Variants in TUT7 observed in about 807,000 individuals in gnomAD.
TUT7 encodes the protein terminal uridylyl transferase 7, also known as terminal uridylyltransferase 7.
Under a neutral mutation model 165.9 loss-of-function variants are expected in TUT7, and 33 were observed. The observed-to-expected ratio is 0.20, with a 90% CI of 0.15 to 0.27. TUT7 has a LOEUF of 0.27. Among genes scored for constraint, TUT7 ranks in the 10% least tolerant of loss-of-function variants. TUT7 has a pLI of 1.00. For missense variants in TUT7, 1,338 were observed against 1,762.3 expected (o/e 0.76, Z 4.31); for synonymous variants, 552 against 608.1 (o/e 0.91, Z 1.36).
At chr9:86,314,954 T>C (rs1828561883) in intron 17 of TUT7, among the ~76,000 whole-genome samples, 3 of 152,206 alleles carry the variant, frequency 2.0e-5, no homozygotes, top group African/African-American at 7.2e-5. Context: ...TCTGAGATCA[T>C]AGCAACCTCC....
At chr9:86,308,631 T>C in intron 21 of TUT7, 25 bp from the exon 22 acceptor site, 2 of 1,569,804 alleles carry the variant, frequency 1.3e-6, no homozygotes, top group Non-Finnish European at 1.7e-6. Flanking sequence ...GAACAAGGGA[T>C]ACCATGGTCT....
At chr9:86,292,031 A>G (rs1825939392) in intron 26 of TUT7, among the ~76,000 whole-genome samples, 1 of 152,212 alleles carries the variant, frequency 6.6e-6, no homozygotes, top group African/African-American at 2.4e-5. Context: ...ACAGCACCAT[A>G]TAAAAGTTTT....
At chr9:86,315,504 G>A (rs1828621642) in intron 17 of TUT7, among the ~76,000 whole-genome samples, 1 of 152,158 alleles carries the variant, frequency 6.6e-6, no homozygotes, top group South Asian at 2.1e-4. Context: ...GTTATATGTG[G>A]AACTCTTTAT....
chr9:86,339,241 T>C (rs1216566776), intron 8 of TUT7, among the ~76,000 whole-genome samples: 1 of 152,178 alleles, frequency 6.6e-6, no homozygotes, highest in Admixed American at 6.5e-5. Flanking sequence ...TATCAAATGT[T>C]TCGGGCCAGG....
intron 22 of TUT7, among the ~76,000 whole-genome samples, chr9:86,307,501 A>G (rs1827621155): frequency 6.6e-6 from 1 of 152,252 alleles, no homozygotes; most frequent in Non-Finnish European, 1.5e-5. Context: ...TTAGAATAGT[A>G]CGTATTATTT....
intron 18 of TUT7, among the ~76,000 whole-genome samples, chr9:86,310,461 A>G (rs893122582): frequency 2.0e-5 from 3 of 152,190 alleles, no homozygotes; most frequent in African/African-American, 7.2e-5. Context: ...TTCAGTAGAT[A>G]TAAGATCTCT....
intron 11 of TUT7, chr9:86,326,257 T>C (rs899253803): frequency 1.4e-4 from 21 of 152,668 alleles, no homozygotes; most frequent in African/African-American, 4.6e-4. Flanking sequence ...GGGACAAGCT[T>C]AGATCTGAAA....
chr9:86,343,060 T>C lies in TUT7; in HGVS notation c.1086+15A>G. On this transcript the variant is annotated intron_variant, in intron 6 of 26. Coordinates refer to ENST00000375963, the MANE Select transcript of TUT7 (RefSeq NM_024617.4). ...ATACCACTCTGAAAGTGCCAGCATT[T>C]CATTTTGTACTTACAATGGCTGGAA... 2 of 1,559,128 alleles carry C rather than the reference T, an allele frequency of 1.3e-6. No individual in the cohort carries two copies. The highest frequency in any genetic ancestry group is 1.8e-6 in the Non-Finnish European group (2 of 1,138,208).
intron 7 of TUT7, 30 bp downstream of exon 7, chr9:86,340,972 A>G: frequency 6.4e-7 from 1 of 1,573,500 alleles, no homozygotes; most frequent in Non-Finnish European, 8.7e-7. Context: ...GACAACATAA[A>G]AATTTTTTAA....
At chr9:86,333,730 T>G (rs1208576575) in intron 10 of TUT7, among the ~76,000 whole-genome samples, 2 of 152,226 alleles carry the variant, frequency 1.3e-5, no homozygotes, top group African/African-American at 4.8e-5. Flanking sequence ...TGACACATGC[T>G]CTGTCTCTTC....
intron 26 of TUT7, among the ~76,000 whole-genome samples, 178 bp downstream of exon 26, chr9:86,301,098 T>C (rs1313876850): frequency 1.3e-5 from 2 of 152,236 alleles, no homozygotes; most frequent in Admixed American, 6.5e-5. Flanking sequence ...AGGAATAAGA[T>C]ATATGGAGGA....
rs1348297540 is a variant in TUT7, at chr9:86,328,382, T to G, written c.1566A>C (p.Thr522=). 2.5e-6 allele frequency: 4 copies of G among 1,609,248 alleles called. No individual in the cohort carries two copies. Among genetic ancestry groups the G allele is most frequent in the Admixed American group, 1.7e-5 (1 of 59,376 alleles). Residue 522 remains threonine, a synonymous_variant, in exon 11 of 27, where the codon ACA becomes ACC. Transcript: ENST00000375963. ...TDSAAGDTGI[T]KEEAPRETPI... is the part of the protein sequence containing the mutation. ...GCGTTTCTCTTGGTGCCTCTTCTTT[T>G]GTTATGCCTGTGTCCCCTGCAGCAC...
chr9:86,352,938 C>T lies in TUT7; in HGVS notation c.262G>A (p.Ala88Thr), dbSNP rs941917171. Residue 88 changes from alanine (A) to threonine (T), a missense_variant, in exon 2 of 27, where the codon GCT becomes ACT. Physicochemically the swap from Ala to Thr is moderately conservative, Grantham distance 58. This residue lies in a region of TUT7 where 434 missense variants were observed against 480.8 expected (regional missense o/e 0.90). Coordinates refer to ENST00000375963, the MANE Select transcript of TUT7 (RefSeq NM_024617.4). ...TCTTTGTGGCTGTCATTCATCCAAGCGGGTTGACTGTAGATTGGGTTTTTA... is the reference window on the plus strand; with the variant it reads ...TCTTTGTGGCTGTCATTCATCCAAGTGGGTTGACTGTAGATTGGGTTTTTA... Reference protein sequence around the residue: ...AFKNPIYSQPAWMNDSHKDQS... With the variant: ...AFKNPIYSQPTWMNDSHKDQS... 8.7e-6 allele frequency: 14 copies of T among 1,614,050 alleles called. No homozygotes were observed. The highest frequency in any genetic ancestry group is 5.0e-5 in the Admixed American group (3 of 60,010).
At chr9:86,290,004 A>G (rs141305387) in intron 26 of TUT7, among the ~76,000 whole-genome samples, 1 of 152,276 alleles carries the variant, frequency 6.6e-6, no homozygotes, top group East Asian at 1.9e-4. Flanking sequence ...TATAAATAGC[A>G]TTTTCAAAAA....
intron 18 of TUT7, 42 bp from the exon 19 acceptor site, chr9:86,310,059 G>T: frequency 9.1e-6 from 13 of 1,432,936 alleles, no homozygotes; most frequent in Admixed American, 2.1e-5. Context: ...ACAATGAAGT[G>T]TAAAGGGTCT....
chr9:86,341,193 T>C (rs2131567932), intron 6 of TUT7, 140 bp from the exon 7 acceptor site: 9 of 717,306 alleles, frequency 1.3e-5, no homozygotes, highest in South Asian at 6.1e-5. Flanking sequence ...TTACTCACTA[T>C]GTTGTTTGCA....
At chr9:86,289,454 G>T (rs545033985) in intron 26 of TUT7, among the ~76,000 whole-genome samples, 9 of 152,168 alleles carry the variant, frequency 5.9e-5, no homozygotes, top group African/African-American at 1.9e-4. Flanking sequence ...ATTTTGGAGG[G>T]GAAGAAAGGA....
At chr9:86,290,105 T>C (rs1435842745) in intron 26 of TUT7, among the ~76,000 whole-genome samples, 2 of 152,142 alleles carry the variant, frequency 1.3e-5, no homozygotes, top group African/African-American at 4.8e-5. Context: ...TTGAAGTTAT[T>C]GTGAAGATTA....
intron 11 of TUT7, among the ~76,000 whole-genome samples, chr9:86,327,569 G>C (rs187587153): frequency 2.0e-5 from 3 of 152,324 alleles, no homozygotes; most frequent in Admixed American, 1.3e-4. Context: ...CCACTACAGA[G>C]ACTCCAAATA....
Sources: allele counts gnomAD v4.1 joint callset (sites outside exome capture counted in the v4.1 genomes callset), GRCh38; gene constraint gnomAD v4.1.1; regional missense constraint gnomAD v4.1.1; transcripts MANE v1.5; gene names NCBI Gene and HGNC (gene_info 2026-07-23, HGNC 2026-07-21).